KHDC1: variants seen among roughly 807,000 people sequenced by gnomAD.
KHDC1 encodes the protein KH homology domain-containing protein 1.
Under a neutral mutation model 24.7 loss-of-function variants are expected in KHDC1, and 21 were observed. That is an observed-to-expected ratio of 0.85 (90% CI 0.60 to 1.23). KHDC1 has a LOEUF of 1.23. KHDC1 is among the 50% of genes most tolerant of loss of function. The pLI is 0.00. For synonymous variants in KHDC1, 98 were observed against 111.7 expected (o/e 0.88, Z 0.77); for missense variants, 274 against 298.5 (o/e 0.92, Z 0.61).
chr6:73,241,966 A>C, intron 4 of KHDC1, 89 bp downstream of exon 3: 1 of 1,378,088 alleles, frequency 7.3e-7, no homozygotes, highest in Non-Finnish European at 9.8e-7. Context: ...CAGCCACACA[A>C]GGGATTCTTC....
chr6:73,253,436 C>T (rs1489284665), intron 2 of KHDC1, among the ~76,000 whole-genome samples: 1 of 151,896 alleles, frequency 6.6e-6, no homozygotes, highest in African/African-American at 2.4e-5. Flanking sequence ...GCCTGTAGTA[C>T]CAGCTACTCG....
chr6:73,260,797 C>G (rs929242146), intron 2 of KHDC1, among the ~76,000 whole-genome samples: 1 of 152,160 alleles, frequency 6.6e-6, no homozygotes. Flanking sequence ...GCTTTGCATG[C>G]CAGCATCACT....
At chr6:73,254,465 TAAAAATAAATAA>T (rs1562247025) in intron 2 of KHDC1, among the ~76,000 whole-genome samples, 1 of 91,508 alleles carries the variant, frequency 1.1e-5, no homozygotes, top group African/African-American at 4.4e-5. Context: ...TGTCTTAAAA[TAAAAATAAATAA>T]ATAAATAAAT....
intron 2 of KHDC1, among the ~76,000 whole-genome samples, chr6:73,282,125 T>G (rs371188584): frequency 0.012 from 1,632 of 135,556 alleles, 27 homozygotes; most frequent in Non-Finnish European, 0.015. Context: ...GGCTGAGGCA[T>G]GAGAATTGCT....
chr6:73,301,823 G>T (rs780146557), intron 1 of KHDC1, among the ~76,000 whole-genome samples: 5 of 151,860 alleles, frequency 3.3e-5, no homozygotes, highest in African/African-American at 7.3e-5. Context: ...AAGAGAGAGG[G>T]ACCCCACTAC....
intron 2 of KHDC1, among the ~76,000 whole-genome samples, chr6:73,285,385 G>GC (rs943491340): frequency 6.6e-6 from 1 of 151,050 alleles, no homozygotes; most frequent in African/African-American, 2.4e-5. Context: ...AGGCTGGAGT[G>GC]CAGTGGCACG....
chr6:73,308,070 A>ATTTT (rs35521120), intron 1 of KHDC1, among the ~76,000 whole-genome samples: 1 of 111,982 alleles, frequency 8.9e-6, no homozygotes, highest in Non-Finnish European at 1.8e-5. Flanking sequence ...GGCCCAGCTA[A>ATTTT]TTTTTTTTTT....
chr6:73,287,595 C>G (rs903335200), intron 2 of KHDC1, among the ~76,000 whole-genome samples: 1 of 152,160 alleles, frequency 6.6e-6, no homozygotes, highest in Non-Finnish European at 1.5e-5. Flanking sequence ...CCTGGCAATG[C>G]TATGGCAGTA....
At chr6:73,291,082 G>A (rs1767642898) in intron 2 of KHDC1, 2 of 458,344 alleles carry the variant, frequency 4.4e-6, no homozygotes, top group Admixed American at 2.4e-5. Flanking sequence ...ATGGACTGCT[G>A]TAGTGCAAGT....
At chr6:73,293,201 A>G (rs1209463778) in intron 1 of KHDC1, 1 of 697,372 alleles carries the variant, frequency 1.4e-6, no homozygotes, top group African/African-American at 1.8e-5. Context: ...TTGGCCATGA[A>G]TATTGAGAAG....
intron 2 of KHDC1, chr6:73,291,239 TG>T: frequency 2.5e-6 from 1 of 407,306 alleles, no homozygotes; most frequent in East Asian, 6.9e-5. Context: ...GACCACTGAA[TG>T]GGTAAGAATA....
chr6:73,286,926 C>A (rs1767534014), intron 2 of KHDC1, among the ~76,000 whole-genome samples: 1 of 151,292 alleles, frequency 6.6e-6, no homozygotes, highest in Non-Finnish European at 1.5e-5. Context: ...GGATTTAATG[C>A]CCTGACTAGG....
At chr6:73,243,876 G>T (rs1024741356) in intron 2 of KHDC1, among the ~76,000 whole-genome samples, 2 of 152,168 alleles carry the variant, frequency 1.3e-5, no homozygotes, top group Admixed American at 6.5e-5. Flanking sequence ...ATTTAAGCTA[G>T]GTTGCTGGAC....
chr6:73,293,718 C>G (rs2150737069), intron 1 of KHDC1, among the ~76,000 whole-genome samples: 1 of 151,478 alleles, frequency 6.6e-6, no homozygotes, highest in South Asian at 2.1e-4. Context: ...GTAATCCCAG[C>G]CATAGGCTGG....
At chr6:73,245,172 G>A (rs975448866) in intron 2 of KHDC1, among the ~76,000 whole-genome samples, 8 of 152,186 alleles carry the variant, frequency 5.3e-5, no homozygotes, top group South Asian at 2.1e-4. Context: ...TTATTGTCTC[G>A]GGTGAAGTAT....
chr6:73,284,877 T>A (rs1767490938), intron 2 of KHDC1: 1 of 152,122 alleles, frequency 6.6e-6, no homozygotes, highest in African/African-American at 2.4e-5. Context: ...GGAGTTTCGC[T>A]CTTGTCACCC....
intron 2 of KHDC1, chr6:73,276,367 A>C (rs966442644): frequency 1.3e-5 from 2 of 151,270 alleles, no homozygotes; most frequent in African/African-American, 4.9e-5. Context: ...CATGCTTGTA[A>C]TCCCAGCTAC....
chr6:73,247,910 CAAG>C (rs1766698163), intron 2 of KHDC1, among the ~76,000 whole-genome samples: 1 of 150,528 alleles, frequency 6.6e-6, no homozygotes, highest in Admixed American at 6.6e-5. Context: ...TAGCCCCTTG[CAAG>C]AAGGAGATTC....
At chr6:73,289,099 G>A (rs552815899) in intron 2 of KHDC1, among the ~76,000 whole-genome samples, 144 of 151,606 alleles carry the variant, frequency 9.5e-4, no homozygotes, top group Non-Finnish European at 1.7e-3. Context: ...TTTGGGAGGC[G>A]AAGGCAGGCA....
Sources: allele counts gnomAD v4.1 joint callset (sites outside exome capture counted in the v4.1 genomes callset), GRCh38; gene constraint gnomAD v4.1.1; transcripts MANE v1.5; gene names NCBI Gene and HGNC (gene_info 2026-07-23, HGNC 2026-07-21).